COL23A1: variants seen among roughly 807,000 people sequenced by gnomAD.
COL23A1 encodes collagen type XXIII alpha 1 chain.
Under a neutral mutation model 99.3 loss-of-function variants are expected in COL23A1, and 97 were observed. That is an observed-to-expected ratio of 0.98 (90% CI 0.83 to 1.16). COL23A1 has a LOEUF of 1.16. Ranked by LOEUF, COL23A1 falls within the 50% of genes most tolerant of loss-of-function variation. COL23A1 has a pLI of 0.00. For missense variants in COL23A1, 762 were observed against 757.4 expected, an observed-to-expected ratio of 1.01 and a Z score of -0.07; for synonymous variants, 320 against 308.2, an observed-to-expected ratio of 1.04 and a Z score of -0.40.
intron 2 of COL23A1, among the ~76,000 whole-genome samples, chr5:178,389,863 C>T (rs1763871383): frequency 6.6e-6 from 1 of 152,188 alleles, no homozygotes; most frequent in Non-Finnish European, 1.5e-5. Flanking sequence ...GGAGAAACAG[C>T]TACGTCCAGC....
At chr5:178,509,586 T>C (rs1312120098) in intron 2 of COL23A1, among the ~76,000 whole-genome samples, 1 of 152,164 alleles carries the variant, frequency 6.6e-6, no homozygotes, top group Non-Finnish European at 1.5e-5. Context: ...ACAAAGCTCC[T>C]GGTGACCTCT....
intron 2 of COL23A1, among the ~76,000 whole-genome samples, chr5:178,526,469 A>C (rs538198033): frequency 1.3e-5 from 2 of 152,318 alleles, no homozygotes; most frequent in East Asian, 3.9e-4. Flanking sequence ...GAATGAGGCC[A>C]ACACACAGGA....
chr5:178,477,303 T>C (rs1236874639), intron 2 of COL23A1, among the ~76,000 whole-genome samples: 1 of 151,932 alleles, frequency 6.6e-6, no homozygotes, highest in African/African-American at 2.4e-5. Context: ...GGGACTGGGG[T>C]TTGGGGAAGG....
intron 2 of COL23A1, among the ~76,000 whole-genome samples, chr5:178,422,491 G>C (rs1765687594): frequency 6.6e-6 from 1 of 152,288 alleles, no homozygotes; most frequent in Non-Finnish European, 1.5e-5. Context: ...GCAGCTACGT[G>C]GGCAGCTCAG....
chr5:178,446,619 T>C (rs561481958), intron 2 of COL23A1, among the ~76,000 whole-genome samples: 4 of 152,324 alleles, frequency 2.6e-5, no homozygotes, highest in African/African-American at 7.2e-5. Context: ...TCATAGATAC[T>C]ATGAAGTCTG....
chr5:178,499,486 GAA>G (rs1308911405), intron 2 of COL23A1, among the ~76,000 whole-genome samples: 2 of 152,146 alleles, frequency 1.3e-5, no homozygotes, highest in Admixed American at 1.3e-4. Context: ...TCAACCATGA[GAA>G]AAACATCAAA....
intron 1 of COL23A1, among the ~76,000 whole-genome samples, chr5:178,580,612 G>A (rs1470233248): frequency 6.6e-6 from 1 of 152,216 alleles, no homozygotes; most frequent in Non-Finnish European, 1.5e-5. Flanking sequence ...GAGAAAGCTG[G>A]AGGTGGTGTG....
At position 178,341,978 on chromosome 5, in the gene COL23A1, T is replaced by C. The variant is rs1244096247; in HGVS notation, c.362-35059A>G. Among the ~76,000 whole-genome samples the C allele has an allele frequency of 2.6e-5, 4 of 152,280 alleles. No individual in the cohort carries two copies. The East Asian group carries it at 7.7e-4, about 29-fold the overall frequency. On this transcript the variant is annotated intron_variant, in intron 2 of 28. Coordinates refer to ENST00000390654, the MANE Select transcript of COL23A1 (RefSeq NM_173465.4). Reference sequence around the variant, plus strand: ...ATTGCCCTCACCTGCCTACCATTTTTCGTAACACACCGACCTTCGGACCTG... The same window carrying C: ...ATTGCCCTCACCTGCCTACCATTTTCCGTAACACACCGACCTTCGGACCTG...
At chr5:178,357,744 GTGTA>G (rs1561894525) in intron 2 of COL23A1, among the ~76,000 whole-genome samples, 17 of 130,828 alleles carry the variant, frequency 1.3e-4, no homozygotes, top group Non-Finnish European at 1.9e-4. Context: ...GTGTATGTAC[GTGTA>G]TGTGTGTGTG....
intron 2 of COL23A1, among the ~76,000 whole-genome samples, chr5:178,358,230 GTA>G (rs796233213): frequency 0.15 from 17,340 of 117,118 alleles, 1,450 homozygotes; most frequent in South Asian, 0.27. Flanking sequence ...TCTAATGTGT[GTA>G]TGTGTGTATG....
Position 178,263,263 on chromosome 5 carries a change from C to CGGGCCCCAGGAGGTCCAGG in COL23A1, c.565_583dup (p.Arg195ProfsTer48). 6.2e-7 allele frequency: 1 copy of CGGGCCCCAGGAGGTCCAGG among 1,613,148 alleles called. No homozygotes were observed. On this transcript the variant is annotated frameshift_variant, in exon 9 of 29. Coordinates refer to ENST00000390654, the MANE Select transcript of COL23A1 (RefSeq NM_173465.4). LOFTEE classifies it high-confidence loss of function. The stretch of plus-strand genomic sequence containing the variant: ...TTTCCCAGTGTCGCCAGGAGGGCCC[C>CGGGCCCCAGGAGGTCCAGG]GGGCCCCAGGAGGTCCAGGGGGCCC...
At chr5:178,467,888 C>A (rs182631688) in intron 2 of COL23A1, among the ~76,000 whole-genome samples, 113 of 152,318 alleles carry the variant, frequency 7.4e-4, no homozygotes, top group African/African-American at 2.6e-3. Flanking sequence ...AGTCCGAGGC[C>A]TGCCTTCCAT....
intron 2 of COL23A1, among the ~76,000 whole-genome samples, chr5:178,386,801 T>C (rs1302176124): frequency 2.0e-5 from 3 of 152,136 alleles, no homozygotes; most frequent in Non-Finnish European, 4.4e-5. Flanking sequence ...AGCAAGAGCC[T>C]GGGAGAGAAC....
At chr5:178,241,468 G>A (rs981929359) in intron 27 of COL23A1, among the ~76,000 whole-genome samples, 7 of 152,164 alleles carry the variant, frequency 4.6e-5, no homozygotes, top group Non-Finnish European at 7.4e-5. Context: ...TGGTCCCACC[G>A]TCTGTGCTTG....
intron 2 of COL23A1, among the ~76,000 whole-genome samples, chr5:178,404,315 T>C (rs563365048): frequency 3.9e-5 from 6 of 152,234 alleles, no homozygotes; most frequent in African/African-American, 1.4e-4. Flanking sequence ...CACAGTCCAA[T>C]AGAAGACACA....
At chr5:178,543,169 G>A (rs1181173058) in intron 2 of COL23A1, among the ~76,000 whole-genome samples, 3 of 151,562 alleles carry the variant, frequency 2.0e-5, no homozygotes, top group Non-Finnish European at 4.4e-5. Context: ...GTGCAATGGC[G>A]CGATCTCGGC....
intron 8 of COL23A1, among the ~76,000 whole-genome samples, chr5:178,264,923 G>A (rs1395600978): frequency 6.6e-6 from 1 of 152,210 alleles, no homozygotes. Context: ...TGGGATTACA[G>A]GCGTGAGCCA....
chr5:178,258,236 A>AATATATCTAT (rs1765417298), intron 12 of COL23A1, among the ~76,000 whole-genome samples: 1 of 71,960 alleles, frequency 1.4e-5, no homozygotes, highest in Non-Finnish European at 2.9e-5. Flanking sequence ...CCTGTCTTAA[A>AATATATCTAT]ATATATATAT....
rs1561842137 is a variant in COL23A1 at position 178,302,446 on chromosome 5, T to TGTGTGTGTG, written c.406+4428_406+4429insCACACACAC. ...CGCCGGAGCACGGCTTCAATCCACC[T>TGTGTGTGTG]CTGTGTGTGCCGGAGCACGGCTTCA... is the stretch of plus-strand genomic sequence containing the variant. On this transcript the variant is annotated intron_variant, in intron 3 of 28. Coordinates refer to ENST00000390654, the MANE Select transcript of COL23A1 (RefSeq NM_173465.4). Among the ~76,000 whole-genome samples the TGTGTGTGTG allele has an allele frequency of 1.3e-3, 142 of 111,314 alleles. 3 individuals are homozygous for TGTGTGTGTG. Among genetic ancestry groups the TGTGTGTGTG allele is most frequent in the African/African-American group, 4.4e-3 (127 of 28,624 alleles). The allele number at this position is 111,314 out of a possible 152,430, so 73.0% of individuals were successfully genotyped here. A position where few individuals can be genotyped will look rare whatever the true frequency, so the allele number is the denominator to read the frequency against.
Sources: allele counts gnomAD v4.1 joint callset (sites outside exome capture counted in the v4.1 genomes callset), GRCh38; gene constraint gnomAD v4.1.1; transcripts MANE v1.5; gene names NCBI Gene and HGNC (gene_info 2026-07-23, HGNC 2026-07-21).